The following AREG variants were observed in gnomAD, a reference collection of about 807,000 sequenced individuals.
AREG encodes amphiregulin, also known as amphiregulin B.
In AREG, 16 loss-of-function variants were observed where a neutral mutation model predicts 28.0. The observed-to-expected ratio is 0.57, with a 90% CI of 0.39 to 0.87. The LOEUF is 0.87. Among genes scored for constraint, AREG ranks in the 40% least tolerant of loss-of-function variants. The probability of loss-of-function intolerance (pLI) is 0.00; values close to 1 mark genes in which losing one functional copy is unlikely to be tolerated. For missense variants in AREG, 287 were observed against 309.1 expected (o/e 0.93, Z 0.53); for synonymous variants, 113 against 113.5 (o/e 1.00, Z 0.02).
chr4:74,454,744 T>A lies in AREG; in HGVS notation c.*19-15T>A. On this transcript the variant is annotated splice_polypyrimidine_tract_variant and intron_variant, in intron 5 of 5. Transcript: ENST00000395748. Reference sequence around the variant, plus strand: ...GTTTTATTTTATTATTTTATTTTATTTTATTTTCTCACAGGATATCACATT... The same window carrying A: ...GTTTTATTTTATTATTTTATTTTATATTATTTTCTCACAGGATATCACATT... The A allele has an allele frequency of 1.5e-6, 1 of 673,260 alleles. No homozygotes were observed. Among genetic ancestry groups the A allele is most frequent in the Non-Finnish European group, 2.7e-6 (1 of 371,836 alleles). The allele number at this position is 673,260 out of a possible 1,614,324, so 41.7% of individuals were successfully genotyped here.
intron 2 of AREG, among the ~76,000 whole-genome samples, chr4:74,448,132 C>T (rs1324836261): frequency 6.6e-6 from 1 of 152,186 alleles, no homozygotes; most frequent in African/African-American, 2.4e-5. Flanking sequence ...TTTTATTTGC[C>T]TCTGTCTATA....
chr4:74,448,831 C>T (rs929427450), intron 2 of AREG: 3 of 597,618 alleles, frequency 5.0e-6, no homozygotes, highest in Admixed American at 3.6e-5. Flanking sequence ...TAATTCCCAA[C>T]TATAATCATG....
Position 74,454,789 on chromosome 4 carries a change from A to C in AREG, c.*49A>C. 1 of 699,382 alleles carries C rather than the reference A, an allele frequency of 1.4e-6. No individual in the cohort carries two copies. The highest frequency in any genetic ancestry group is 2.0e-5 in the Admixed American group (1 of 49,912). The allele number at this position is 699,382 out of a possible 1,614,324, so 43.3% of individuals were successfully genotyped here. On this transcript the variant is annotated 3_prime_UTR_variant, in exon 6 of 6. Coordinates refer to ENST00000395748, the MANE Select transcript of AREG (RefSeq NM_001657.4). ...CACATTGGAGTCACTGCCAAGTCAT[A>C]GCCATAAATGATGAGTCGGTCCTCT...
intron 1 of AREG, 88 bp downstream of exon 1, chr4:74,445,494 G>A: frequency 1.9e-6 from 3 of 1,546,798 alleles, no homozygotes; most frequent in Non-Finnish European, 2.6e-6. Context: ...TCTAAAAATC[G>A]CCCTTTAGTT....
Position 74,445,258 on chromosome 4 carries a change from C to T in AREG, c.-88C>T. 3 of 1,558,264 alleles carry T rather than the reference C, an allele frequency of 1.9e-6. No homozygotes were observed. In the South Asian group the frequency reaches 3.6e-5, roughly 18 times the overall value. On this transcript the variant is annotated 5_prime_UTR_variant, in exon 1 of 6. Coordinates refer to ENST00000395748, the MANE Select transcript of AREG (RefSeq NM_001657.4). ...CGCACACTCCCGGTCTCCACTCGCT[C>T]TTCCAACACCCGCTCGTTTTGGCGG...
chr4:74,452,425 A>G lies in AREG; in HGVS notation c.666-119A>G, dbSNP rs1719394615. 3.6e-6 allele frequency: 4 copies of G among 1,124,480 alleles called. No homozygotes were observed. In the East Asian group the frequency reaches 7.5e-5, roughly 21 times the overall value. The allele number at this position is 1,124,480 out of a possible 1,614,324, so 69.7% of individuals were successfully genotyped here. ...GCCAGGTTTAGGTTTAGTGTCAAGT[A>G]TAGTGATTGCTGGTCTATCACTACT... On this transcript the variant is annotated intron_variant, in intron 4 of 5. Transcript: ENST00000395748.
At position 74,445,250 on chromosome 4, in the gene AREG, C is replaced by T; in HGVS notation, c.-96C>T. On this transcript the variant is annotated 5_prime_UTR_variant, in exon 1 of 6. Coordinates refer to ENST00000395748, the MANE Select transcript of AREG (RefSeq NM_001657.4). ...GAGAGCGGCGCACACTCCCGGTCTCCACTCGCTCTTCCAACACCCGCTCGT... is the reference window on the plus strand; with the variant it reads ...GAGAGCGGCGCACACTCCCGGTCTCTACTCGCTCTTCCAACACCCGCTCGT... 1 of 1,551,606 alleles carries T rather than the reference C, an allele frequency of 6.4e-7. No homozygotes were observed. Among genetic ancestry groups the T allele is most frequent in the Admixed American group, 2.0e-5 (1 of 51,206 alleles).
intron 3 of AREG, among the ~76,000 whole-genome samples, chr4:74,449,593 CA>C (rs1250855988): frequency 1.3e-5 from 2 of 152,022 alleles, no homozygotes; most frequent in Admixed American, 1.3e-4. Flanking sequence ...ACAAAAAATA[CA>C]AAAAAGTTTA....
chr4:74,446,952 A>G lies in AREG; in HGVS notation c.310+170A>G, dbSNP rs1036097785. 5.6e-4 allele frequency among the ~76,000 whole-genome samples: 85 copies of G among 152,298 alleles called. No homozygotes were observed. In the Middle Eastern group the frequency reaches 0.01, roughly 18 times the overall value. On this transcript the variant is annotated intron_variant, in intron 2 of 5. Transcript: ENST00000395748. ...AAGAACCATAATGTGGGCACATCCT[A>G]TATGGCCAGAGTGATCATAAATGGT...
chr4:74,449,132 A>T lies in AREG; in HGVS notation c.396A>T (p.Lys132Asn). Residue 132 changes from lysine to asparagine, a missense_variant, in exon 3 of 6, where the codon AAA (lysine) becomes AAT (asparagine). Physicochemically the swap from Lys to Asn is moderately conservative, Grantham distance 94. Transcript: ENST00000395748. The stretch of plus-strand genomic sequence containing the variant: ...CCAAAAGAAAGAAAAAGGGAGGCAA[A>T]AATGGAAAAAATAGAAGAAACAGAA... Reference protein sequence around the residue: ...DKPKRKKKGGKNGKNRRNRKK... With the variant: ...DKPKRKKKGGNNGKNRRNRKK... 1 of 1,612,844 alleles carries T rather than the reference A, an allele frequency of 6.2e-7. No individual in the cohort carries two copies. Among genetic ancestry groups the T allele is most frequent in the Non-Finnish European group, 8.5e-7 (1 of 1,179,730 alleles).
At chr4:74,449,922 C>CTCTCTCTCTG (rs1553933561) in intron 3 of AREG, among the ~76,000 whole-genome samples, 1 of 151,512 alleles carries the variant, frequency 6.6e-6, no homozygotes, top group African/African-American at 2.4e-5. Context: ...CTCTCTCTCT[C>CTCTCTCTCTG]TCTCTCTCTC....
chr4:74,446,486 G>C (rs1719289446), intron 1 of AREG, 48 bp from the exon 2 acceptor site: 1 of 1,613,874 alleles, frequency 6.2e-7, no homozygotes, highest in South Asian at 1.1e-5. Context: ...GACTCGAAAG[G>C]CACCCTACTT....
At chr4:74,446,882 T>G in intron 2 of AREG, 100 bp downstream of exon 2, 2 of 1,584,034 alleles carry the variant, frequency 1.3e-6, no homozygotes, top group Non-Finnish European at 1.7e-6. Context: ...TTCTAGTGGC[T>G]TTATTGTATA....
rs936284134 is a variant in AREG, at chr4:74,452,746, C to A, written c.*18+91C>A. ...TCTCAAGAAAAATATGGAATGTGTT[C>A]TTAATTATATATACACTATGAACAA... On this transcript the variant is annotated intron_variant, in intron 5 of 5. Transcript: ENST00000395748. 2.0e-5 allele frequency: 23 copies of A among 1,131,576 alleles called. No homozygotes were observed. The African/African-American group carries it at 3.6e-4, about 18-fold the overall frequency. 70.1% of individuals were successfully genotyped at this position (1,131,576 alleles called of 1,614,324 possible).
intron 3 of AREG, among the ~76,000 whole-genome samples, chr4:74,449,452 A>T (rs1042688033): frequency 1.2e-4 from 18 of 152,240 alleles, no homozygotes; most frequent in Non-Finnish European, 2.4e-4. Flanking sequence ...TAACCATTTA[A>T]AAATGTAAAA....
chr4:74,449,905 G>GCTCTCTCTCTCT (rs34389731), intron 3 of AREG, among the ~76,000 whole-genome samples: 25 of 145,628 alleles, frequency 1.7e-4, no homozygotes, highest in African/African-American at 5.1e-4. Context: ...GCTCCTGCTT[G>GCTCTCTCTCTCT]CTCTCTCTCT....
At chr4:74,446,475 T>C in intron 1 of AREG, 59 bp from the exon 2 acceptor site, 2 of 1,613,936 alleles carry the variant, frequency 1.2e-6, no homozygotes, top group Non-Finnish European at 1.7e-6. Flanking sequence ...CTAACACAGC[T>C]GACTCGAAAG....
Position 74,446,522 on chromosome 4 carries a change from C to T in AREG, c.62-12C>T. ...TACCTTTTCTTTTCTTCCTTTATTCCCTCCCCTGCAGGCCATTATGCTGCT... is the reference window on the plus strand; with the variant it reads ...TACCTTTTCTTTTCTTCCTTTATTCTCTCCCCTGCAGGCCATTATGCTGCT... On this transcript the variant is annotated splice_polypyrimidine_tract_variant and intron_variant, in intron 1 of 5. Transcript: ENST00000395748. 1.2e-6 allele frequency: 2 copies of T among 1,613,954 alleles called. No homozygotes were observed. The highest frequency in any genetic ancestry group is 1.7e-6 in the Non-Finnish European group (2 of 1,179,860).
chr4:74,453,920 TAAAAA>T (rs530764462), intron 5 of AREG, among the ~76,000 whole-genome samples: 3 of 123,344 alleles, frequency 2.4e-5, no homozygotes, highest in Non-Finnish European at 5.3e-5. Context: ...AACTCCATCT[TAAAAA>T]AAAAAAAAAA....
Sources: allele counts gnomAD v4.1 joint callset (sites outside exome capture counted in the v4.1 genomes callset), GRCh38; gene constraint gnomAD v4.1.1; transcripts MANE v1.5; gene names NCBI Gene and HGNC (gene_info 2026-07-23, HGNC 2026-07-21).